The following CEP112 variants were observed in gnomAD, a reference collection of about 807,000 sequenced individuals.
CEP112 encodes centrosomal protein of 112 kDa.
In CEP112, 127 loss-of-function variants were observed where a neutral mutation model predicts 153.0. The ratio of observed to expected loss-of-function variants is 0.83; its 90% CI spans 0.72 to 0.96. CEP112 has a LOEUF of 0.96. Ranked by LOEUF, CEP112 falls within the 40% of genes least tolerant of loss-of-function variation. The pLI, the probability that CEP112 is intolerant of heterozygous loss-of-function variation, is 0.00. For synonymous variants in CEP112, 358 were observed against 374.4 expected, an observed-to-expected ratio of 0.96 and a Z score of 0.51; for missense variants, 1,089 against 1,101.2, an observed-to-expected ratio of 0.99 and a Z score of 0.16.
intron 23 of CEP112, among the ~76,000 whole-genome samples, chr17:65,697,195 T>G (rs2048402062): frequency 6.6e-6 from 1 of 152,244 alleles, no homozygotes; most frequent in Non-Finnish European, 1.5e-5. Context: ...AATCTTGACG[T>G]AAACCTCTCT....
intron 11 of CEP112, among the ~76,000 whole-genome samples, chr17:66,061,569 T>TACACACAC (rs35156012): frequency 1.7e-4 from 25 of 146,236 alleles, no homozygotes; most frequent in African/African-American, 3.7e-4. Context: ...ATGTGATAGA[T>TACACACAC]ACACACACAC....
intron 21 of CEP112, among the ~76,000 whole-genome samples, chr17:65,806,218 C>G (rs2055587264): frequency 6.6e-6 from 1 of 152,048 alleles, no homozygotes; most frequent in South Asian, 2.1e-4. Context: ...AACAAGCATG[C>G]ATAAACAAGT....
intron 26 of CEP112, 110 bp from the exon 27 acceptor site, chr17:65,636,084 A>C: frequency 9.9e-7 from 1 of 1,009,016 alleles, no homozygotes; most frequent in South Asian, 1.4e-5. Context: ...AGGCTATTTG[A>C]TATCAAAATG....
intron 9 of CEP112, 137 bp from the exon 10 acceptor site, chr17:66,067,014 TAAACACACAC>T (rs1237232542): frequency 1.4e-5 from 5 of 350,532 alleles, no homozygotes; most frequent in Non-Finnish European, 1.8e-5. Context: ...TGTGAAATTA[TAAACACACAC>T]ACACACACAC....
chr17:65,728,285 G>T (rs1472337622), intron 23 of CEP112, among the ~76,000 whole-genome samples: 1 of 152,216 alleles, frequency 6.6e-6, no homozygotes, highest in Non-Finnish European at 1.5e-5. Context: ...TGTGGAATTT[G>T]GAGAAGAGGC....
intron 24 of CEP112, among the ~76,000 whole-genome samples, chr17:65,650,487 T>C (rs1236058377): frequency 6.6e-6 from 1 of 152,082 alleles, no homozygotes; most frequent in Non-Finnish European, 1.5e-5. Flanking sequence ...CCCTAACACG[T>C]TTCCTCCCAG....
chr17:66,129,853 A>T (rs1402815849), intron 5 of CEP112, 30 bp from the exon 6 acceptor site: 2 of 1,409,458 alleles, frequency 1.4e-6, no homozygotes, highest in Admixed American at 3.5e-5. Flanking sequence ...AAGGAAGAGG[A>T]GAGGAAGGAA....
intron 6 of CEP112, among the ~76,000 whole-genome samples, chr17:66,121,875 C>T (rs187516721): frequency 6.6e-6 from 1 of 151,850 alleles, no homozygotes; most frequent in Non-Finnish European, 1.5e-5. Flanking sequence ...ATATGGTCAT[C>T]ACAGCTTTCT....
chr17:65,891,415 C>G (rs1249089492), intron 20 of CEP112, among the ~76,000 whole-genome samples: 1 of 152,146 alleles, frequency 6.6e-6, no homozygotes, highest in Non-Finnish European at 1.5e-5. Flanking sequence ...AGCTTGGCAA[C>G]AAAAGACCTC....
At chr17:65,870,288 G>GA (rs1343036702) in intron 20 of CEP112, among the ~76,000 whole-genome samples, 1 of 151,944 alleles carries the variant, frequency 6.6e-6, no homozygotes, top group Non-Finnish European at 1.5e-5. Context: ...TATTTTAAAA[G>GA]AACTAGCCAC....
intron 21 of CEP112, among the ~76,000 whole-genome samples, chr17:65,845,925 C>A (rs2057710005): frequency 6.6e-6 from 1 of 152,140 alleles, no homozygotes. Flanking sequence ...GTCTAAATTG[C>A]TGCTGACAGA....
chr17:65,922,092 T>C (rs747576053), intron 19 of CEP112, among the ~76,000 whole-genome samples: 17 of 152,142 alleles, frequency 1.1e-4, no homozygotes, highest in Admixed American at 1.3e-4. Context: ...GTAATGCCAC[T>C]AGCATGTATA....
At chr17:65,929,841 AAC>A (rs2061061009) in intron 18 of CEP112, among the ~76,000 whole-genome samples, 1 of 152,214 alleles carries the variant, frequency 6.6e-6, no homozygotes, top group African/African-American at 2.4e-5. Flanking sequence ...AATTCTTTAA[AAC>A]ACACACAAAA....
intron 8 of CEP112, among the ~76,000 whole-genome samples, chr17:66,085,403 G>A (rs1413760360): frequency 2.6e-5 from 4 of 152,052 alleles, no homozygotes; most frequent in African/African-American, 4.8e-5. Context: ...ACTTGTCAAC[G>A]TCAATCTAAA....
At chr17:65,737,132 G>C (rs1244589756) in intron 23 of CEP112, among the ~76,000 whole-genome samples, 1 of 152,128 alleles carries the variant, frequency 6.6e-6, no homozygotes, top group Non-Finnish European at 1.5e-5. Context: ...TTAGATAGTA[G>C]ATTGAATGTT....
At chr17:66,014,545 T>TA (rs1209479535) in intron 16 of CEP112, among the ~76,000 whole-genome samples, 2 of 152,208 alleles carry the variant, frequency 1.3e-5, no homozygotes, top group Non-Finnish European at 1.5e-5. Context: ...CTCTGGGCTC[T>TA]GTACAGGCTG....
At chr17:65,823,010 A>C (rs1430525874) in intron 21 of CEP112, among the ~76,000 whole-genome samples, 1 of 152,126 alleles carries the variant, frequency 6.6e-6, no homozygotes. Context: ...AATATGTGCA[A>C]CCTCTAGATG....
At chr17:66,010,092 A>C (rs1230119530) in intron 16 of CEP112, among the ~76,000 whole-genome samples, 1 of 152,170 alleles carries the variant, frequency 6.6e-6, no homozygotes, top group Non-Finnish European at 1.5e-5. Context: ...CCTATCCATG[A>C]GGATGAAGTG....
At chr17:65,921,465 A>G (rs1371005480) in intron 19 of CEP112, among the ~76,000 whole-genome samples, 1 of 152,154 alleles carries the variant, frequency 6.6e-6, no homozygotes, top group African/African-American at 2.4e-5. Flanking sequence ...AAAAGTTTGT[A>G]TATTGTCACA....
Sources: allele counts gnomAD v4.1 joint callset (sites outside exome capture counted in the v4.1 genomes callset), GRCh38; gene constraint gnomAD v4.1.1; transcripts MANE v1.5; gene names NCBI Gene and HGNC (gene_info 2026-07-23, HGNC 2026-07-21).